The following ZFYVE21 variants were observed in gnomAD, a reference collection of about 807,000 sequenced individuals.
ZFYVE21 encodes the protein zinc finger FYVE domain-containing protein 21.
Under a neutral mutation model 29.5 loss-of-function variants are expected in ZFYVE21, and 21 were observed. The ratio of observed to expected loss-of-function variants is 0.71; its 90% confidence interval spans 0.50 to 1.02. ZFYVE21 has a LOEUF of 1.02. ZFYVE21 is among the 50% of genes least tolerant of loss of function. The pLI is 0.00. For synonymous variants in ZFYVE21, 151 were observed against 133.8 expected, an observed-to-expected ratio of 1.13 and a Z score of -0.89; for missense variants, 326 against 335.4, an observed-to-expected ratio of 0.97 and a Z score of 0.22.
intron 2 of ZFYVE21, chr14:103,727,520 T>C (rs1379520564): frequency 7.2e-6 from 5 of 693,574 alleles, no homozygotes; most frequent in Non-Finnish European, 1.3e-5. Context: ...AAACAGCCAT[T>C]TTGATCCATG....
chr14:103,727,375 T>TGCCCCCTCC (rs1180920381), intron 2 of ZFYVE21: 53 of 183,160 alleles, frequency 2.9e-4, no homozygotes, highest in African/African-American at 5.5e-4. Flanking sequence ...CCGCCCCCTC[T>TGCCCCCTCC]GCCCCCTCCG....
At chr14:103,723,564 A>G in intron 1 of ZFYVE21, among the ~76,000 whole-genome samples, 1 of 152,230 alleles carries the variant, frequency 6.6e-6, no homozygotes, top group East Asian at 1.9e-4. Context: ...GAGTTGGGGC[A>G]GTGGCGACAT....
At position 103,715,948 on chromosome 14, in the gene ZFYVE21, T is replaced by TGGA; in HGVS notation, c.112_114dup (p.Glu38dup). On this transcript the variant is annotated inframe_insertion, in exon 1 of 7. Coordinates refer to ENST00000311141, the MANE Select transcript of ZFYVE21 (RefSeq NM_024071.4). ...CGCGCCTTCGGAAGCCCGTTCGGCC[T>TGGA]GGAGGAGCCGCAGTGGGTCCCGGAC... is the stretch of plus-strand genomic sequence containing the variant. 7.1e-7 allele frequency: 1 copy of TGGA among 1,411,886 alleles called. No homozygotes were observed. Among genetic ancestry groups the TGGA allele is most frequent in the Non-Finnish European group, 9.3e-7 (1 of 1,071,194 alleles). 87.5% of individuals were successfully genotyped at this position (1,411,886 alleles called of 1,614,324 possible). A position where few individuals can be genotyped will look rare whatever the true frequency, so the allele number is the denominator to read the frequency against.
intron 5 of ZFYVE21, chr14:103,729,877 C>T (rs781401182): frequency 1.4e-5 from 21 of 1,535,572 alleles, no homozygotes; most frequent in Admixed American, 1.2e-4. Flanking sequence ...CGGGGCTCCC[C>T]GCATGCAGCG....
Position 103,718,660 on chromosome 14 carries a change from G to A in ZFYVE21, c.138+2681G>A, listed in dbSNP as rs529858809. Among the ~76,000 whole-genome samples the A allele has an allele frequency of 1.1e-4, 17 of 152,316 alleles. No homozygotes were observed. In the South Asian group the frequency reaches 3.1e-3, roughly 28 times the overall value. On this transcript the variant is annotated intron_variant, in intron 1 of 6. Coordinates refer to ENST00000311141, the MANE Select transcript of ZFYVE21 (RefSeq NM_024071.4). ...ATATCCGACACTGACGCAAGGCAGTGGGCTTGGGGGTGGGCGGTCCGGGCG... is the reference window on the plus strand; with the variant it reads ...ATATCCGACACTGACGCAAGGCAGTAGGCTTGGGGGTGGGCGGTCCGGGCG...
chr14:103,727,424 G>A (rs1438235407), intron 2 of ZFYVE21: 1 of 440,676 alleles, frequency 2.3e-6, no homozygotes, highest in Admixed American at 2.6e-5. Context: ...GAAGTGTCTT[G>A]CCCCTAATGT....
intron 1 of ZFYVE21, among the ~76,000 whole-genome samples, chr14:103,717,146 G>C (rs1247283219): frequency 6.6e-6 from 1 of 152,162 alleles, no homozygotes; most frequent in Non-Finnish European, 1.5e-5. Context: ...AGTGTCTCTG[G>C]CATCTACAGT....
At chr14:103,732,301 G>A in intron 5 of ZFYVE21, 1 of 221,064 alleles carries the variant, frequency 4.5e-6, no homozygotes, top group Non-Finnish European at 8.8e-6. Context: ...ACCCCCACAG[G>A]CCCCAGGGCA....
At chr14:103,730,270 G>A (rs12433109) in intron 5 of ZFYVE21, 80,534 of 194,306 alleles carry the variant, frequency 0.41, 17,506 homozygotes, top group African/African-American at 0.53. Context: ...CTCCTGGATG[G>A]TGAGGTGAGA....
At chr14:103,725,654 G>T (rs1259205284) in intron 1 of ZFYVE21, 1 of 152,286 alleles carries the variant, frequency 6.6e-6, no homozygotes, top group African/African-American at 2.4e-5. Flanking sequence ...GTCAGTGGGG[G>T]GCTTCAGCAT....
chr14:103,732,738 G>A lies in ZFYVE21; in HGVS notation c.645G>A (p.Val215=). 1 of 1,612,988 alleles carries A rather than the reference G, an allele frequency of 6.2e-7. No homozygotes were observed. The highest frequency in any genetic ancestry group is 1.1e-5 in the South Asian group (1 of 90,950). The part of the protein sequence containing the change: ...EDVTVGRRQA[V]AWLVAMHKAA... ...TGACTGTGGGCAGGAGGCAGGCGGTGGCGTGGCTAGTGGCCATGCACAAGG... is the reference window on the plus strand; with the variant it reads ...TGACTGTGGGCAGGAGGCAGGCGGTAGCGTGGCTAGTGGCCATGCACAAGG... Residue 215 remains valine, a synonymous_variant, in exon 6 of 7, where the codon GTG becomes GTA. Coordinates refer to ENST00000311141, the MANE Select transcript of ZFYVE21 (RefSeq NM_024071.4).
intron 1 of ZFYVE21, chr14:103,725,955 G>C (rs2083919636): frequency 6.6e-6 from 1 of 152,280 alleles, no homozygotes. Flanking sequence ...ATTCCTGGTG[G>C]GCCCTGAGCC....
At chr14:103,725,011 G>A (rs903221946) in intron 1 of ZFYVE21, 7 of 152,256 alleles carry the variant, frequency 4.6e-5, no homozygotes, top group African/African-American at 9.6e-5. Flanking sequence ...TACCAAATCC[G>A]GGGACCATTT....
intron 2 of ZFYVE21, 79 bp downstream of exon 2, chr14:103,726,921 CAG>C: frequency 1.4e-6 from 2 of 1,440,868 alleles, no homozygotes; most frequent in East Asian, 2.3e-5. Context: ...CCCCTTCTGG[CAG>C]GGGACGGATG....
chr14:103,727,518 A>T, intron 2 of ZFYVE21: 1 of 692,082 alleles, frequency 1.4e-6, no homozygotes, highest in Non-Finnish European at 2.6e-6. Context: ...AAAAACAGCC[A>T]TTTTGATCCA....
chr14:103,716,407 G>A lies in ZFYVE21; in HGVS notation c.138+428G>A, dbSNP rs941279063. ...CTTCCTCGCAGGCTCGGTGGGGAGGGCGCGTGCTGTCCGCGGAAGCGCTGG... is the reference window on the plus strand; with the variant it reads ...CTTCCTCGCAGGCTCGGTGGGGAGGACGCGTGCTGTCCGCGGAAGCGCTGG... On this transcript the variant is annotated intron_variant, in intron 1 of 6. Coordinates refer to ENST00000311141, the MANE Select transcript of ZFYVE21 (RefSeq NM_024071.4). This position sits in a 1 kb window ranked among gnomAD's most constrained non-coding sequence, Gnocchi z 4.8. 1.3e-5 allele frequency among the ~76,000 whole-genome samples: 2 copies of A among 152,136 alleles called. No homozygotes were observed. The highest frequency in any genetic ancestry group is 2.9e-5 in the Non-Finnish European group (2 of 68,006).
intron 5 of ZFYVE21, chr14:103,729,921 C>G (rs2083959659): frequency 1.3e-6 from 2 of 1,493,682 alleles, no homozygotes; most frequent in Non-Finnish European, 1.8e-6. Context: ...TGGCTTCTGT[C>G]CACGGGGTGG....
rs776944967 is a variant in ZFYVE21, at chr14:103,715,989, C to T, written c.138+10C>T. On this transcript the variant is annotated intron_variant, in intron 1 of 6. Transcript: ENST00000311141. The stretch of plus-strand genomic sequence containing the variant: ...GGTCCCGGACAAGGAGGTGGGTGGC[C>T]GTCGCCCCGGCCAGCGCCTCCGACC... 6 of 1,257,800 alleles carry T rather than the reference C, an allele frequency of 4.8e-6. No individual in the cohort carries two copies. The highest frequency in any genetic ancestry group is 6.1e-6 in the Non-Finnish European group (6 of 991,014). The allele number at this position is 1,257,800 out of a possible 1,614,324, so 77.9% of individuals were successfully genotyped here.
intron 5 of ZFYVE21, chr14:103,731,948 G>T (rs1275737679): frequency 6.6e-6 from 1 of 152,302 alleles, no homozygotes; most frequent in Non-Finnish European, 1.5e-5. Context: ...ATTGTCACTG[G>T]AACAGCTGGT....
Sources: gnomAD v4.1 joint callset for allele counts (sites outside exome capture counted in the v4.1 genomes callset) on GRCh38, gnomAD v4.1.1 for gene constraint, Gnocchi (gnomAD v3.1) non-coding constraint, MANE v1.5 for transcripts, NCBI Gene and HGNC (gene_info 2026-07-23, HGNC 2026-07-21) for gene names.